RASA2: variants seen among roughly 807,000 people sequenced by gnomAD.
The protein encoded by RASA2 is ras GTPase-activating protein 2.
Under a neutral mutation model 118.2 loss-of-function variants are expected in RASA2, and 155 were observed. The ratio of observed to expected loss-of-function variants is 1.31; its 90% CI spans 1.15 to 1.50. The LOEUF is 1.50. Among genes scored for constraint, RASA2 ranks in the 40% most tolerant of loss-of-function variants. The pLI is 0.00. For missense variants in RASA2, 1,016 were observed against 1,009.6 expected (o/e 1.01, Z -0.09); for synonymous variants, 353 against 349.1 (o/e 1.01, Z -0.12).
chr3:141,582,198 A>T (rs531370839), intron 17 of RASA2, among the ~76,000 whole-genome samples: 25 of 152,300 alleles, frequency 1.6e-4, no homozygotes, highest in African/African-American at 5.5e-4. Flanking sequence ...GCCTTTTTTT[A>T]TACTTAGGAT....
intron 9 of RASA2, among the ~76,000 whole-genome samples, chr3:141,570,379 C>T (rs138922092): frequency 1.9e-4 from 29 of 152,064 alleles, no homozygotes; most frequent in African/African-American, 5.3e-4. Flanking sequence ...GCCACCATGC[C>T]GGACTGATTT....
At chr3:141,558,291 CAT>C (rs2082678597) in intron 7 of RASA2, among the ~76,000 whole-genome samples, 1 of 152,090 alleles carries the variant, frequency 6.6e-6, no homozygotes, top group Non-Finnish European at 1.5e-5. Context: ...CAAAATAAAA[CAT>C]AAAATTTTGA....
intron 5 of RASA2, among the ~76,000 whole-genome samples, chr3:141,545,499 C>CTG (rs2082471745): frequency 1.5e-5 from 2 of 137,906 alleles, no homozygotes; most frequent in Admixed American, 1.5e-4. Flanking sequence ...GAGTCTCACT[C>CTG]TGTCGACCAG....
chr3:141,490,523 G>A (rs1347048314), intron 1 of RASA2, among the ~76,000 whole-genome samples: 1 of 152,056 alleles, frequency 6.6e-6, no homozygotes, highest in African/African-American at 2.4e-5. Flanking sequence ...GCCACCATAT[G>A]TGTGGGCTTA....
Position 141,516,379 on chromosome 3 carries a change from T to C in RASA2, c.303T>C (p.Tyr101=), listed in dbSNP as rs766314151. 6.4e-7 allele frequency: 1 copy of C among 1,570,160 alleles called. No homozygotes were observed. The highest frequency in any genetic ancestry group is 8.6e-7 in the Non-Finnish European group (1 of 1,158,674). The stretch of plus-strand genomic sequence containing the variant: ...TTGAGATTCCAAGAACTTTCCAGTA[T>C]TTGTCTTTCTATGTTTATGATAAGA... ...FYFEIPRTFQ[Y]LSFYVYDKNV... is the part of the protein sequence containing the mutation. The change falls in exon 3 of 24, where the codon TAT becomes TAC. Residue 101 remains tyrosine, a synonymous_variant. Coordinates refer to ENST00000286364, the MANE Select transcript of RASA2 (RefSeq NM_006506.5).
rs772405986 is a variant in RASA2 at position 141,609,537 on chromosome 3, C to A, written c.2329+14C>A. The A allele has an allele frequency of 6.6e-7, 1 of 1,509,516 alleles. No individual in the cohort carries two copies. Among genetic ancestry groups the A allele is most frequent in the African/African-American group, 1.4e-5 (1 of 72,490 alleles). The allele number at this position is 1,509,516 out of a possible 1,614,324, so 93.5% of individuals were successfully genotyped here. On this transcript the variant is annotated intron_variant, in intron 22 of 23. Coordinates refer to ENST00000286364, the MANE Select transcript of RASA2 (RefSeq NM_006506.5). ...AGAAGATGGAAGGTAAATACACAAT[C>A]TATTTTTATATAACCATAATCTTTC...
chr3:141,507,618 TGGCCCTAGAGCCA>T (rs1054343860), intron 1 of RASA2, among the ~76,000 whole-genome samples: 35 of 152,366 alleles, frequency 2.3e-4, no homozygotes, highest in African/African-American at 7.9e-4. Flanking sequence ...TTGTTGTTGC[TGGCCCTAGAGCCA>T]AGCCCTGCCT....
chr3:141,590,877 A>T (rs956404213), intron 19 of RASA2, among the ~76,000 whole-genome samples: 1 of 152,206 alleles, frequency 6.6e-6, no homozygotes, highest in Non-Finnish European at 1.5e-5. Flanking sequence ...TTTTTCTTCA[A>T]TAAGTTTTTA....
chr3:141,522,705 C>T lies in RASA2; in HGVS notation c.355+6274C>T, dbSNP rs563730534. Among the ~76,000 whole-genome samples the T allele has an allele frequency of 7.2e-5, 11 of 152,198 alleles. No individual in the cohort carries two copies. In the South Asian group the frequency reaches 1.9e-3, roughly 26 times the overall value. On this transcript the variant is annotated intron_variant, in intron 3 of 23. Coordinates refer to ENST00000286364, the MANE Select transcript of RASA2 (RefSeq NM_006506.5). ...TCTTTATACCTCTGTGCTTGAGATG[C>T]GGGGCAACTGCTTTTGATACTGTGT...
At chr3:141,571,365 T>C (rs1278493369) in intron 10 of RASA2, 41 bp from the exon 11 acceptor site, 3 of 1,590,480 alleles carry the variant, frequency 1.9e-6, no homozygotes, top group Admixed American at 1.7e-5. Context: ...TAATCATGTT[T>C]CCTTGATGTT....
chr3:141,558,836 A>G, intron 7 of RASA2, 50 bp from the exon 8 acceptor site: 1 of 1,361,264 alleles, frequency 7.3e-7, no homozygotes. Flanking sequence ...AAGCTGTAGG[A>G]AAAATGTATT....
chr3:141,580,482 A>G (rs1194791571), intron 16 of RASA2, 31 bp downstream of exon 16: 2 of 1,516,966 alleles, frequency 1.3e-6, no homozygotes, highest in Non-Finnish European at 1.8e-6. Flanking sequence ...TTTTGTTTTT[A>G]CACTTCTAAA....
Position 141,607,741 on chromosome 3 carries a change from G to T in RASA2, c.1997G>T (p.Ser666Ile). ...CTTGCTGTGGAAAAACTGGAAGAGA[G>T]CTCTTTCAACAAGAAAAATGTAAGT... ...NILAVEKLEESSFNKKNMFQV... is the reference protein window; with the variant it reads ...NILAVEKLEEISFNKKNMFQV... Residue 666 changes from serine to isoleucine, a missense_variant, in exon 20 of 24, where the codon AGC (serine) becomes ATC (isoleucine). Transcript: ENST00000286364. 6.3e-7 allele frequency: 1 copy of T among 1,596,382 alleles called. No homozygotes were observed. Among genetic ancestry groups the T allele is most frequent in the Non-Finnish European group, 8.5e-7 (1 of 1,172,122 alleles).
At chr3:141,561,682 A>G (rs1466197234) in intron 9 of RASA2, among the ~76,000 whole-genome samples, 4 of 152,212 alleles carry the variant, frequency 2.6e-5, no homozygotes, top group Admixed American at 2.6e-4. Flanking sequence ...AGATTTATTT[A>G]CCCTCAGGAT....
At chr3:141,575,161 CTG>C (rs1008932044) in intron 14 of RASA2, among the ~76,000 whole-genome samples, 8 of 152,112 alleles carry the variant, frequency 5.3e-5, no homozygotes, top group African/African-American at 1.9e-4. Flanking sequence ...CTGTGCAAAA[CTG>C]TAAGTTTATT....
intron 3 of RASA2, chr3:141,525,998 A>C (rs2082179413): frequency 6.6e-6 from 1 of 152,170 alleles, no homozygotes; most frequent in Admixed American, 6.5e-5. Context: ...AATAAGTAAC[A>C]GAATTGACAC....
chr3:141,515,727 C>G (rs1200006964), intron 2 of RASA2, among the ~76,000 whole-genome samples: 2 of 151,346 alleles, frequency 1.3e-5, no homozygotes, highest in Non-Finnish European at 2.9e-5. Context: ...TGGTGAAACC[C>G]CATCTCTACT....
chr3:141,600,026 A>C (rs1211585433), intron 19 of RASA2, among the ~76,000 whole-genome samples: 1 of 152,202 alleles, frequency 6.6e-6, no homozygotes, highest in Non-Finnish European at 1.5e-5. Context: ...GAAGTTACTT[A>C]CGTTTATATG....
intron 9 of RASA2, among the ~76,000 whole-genome samples, chr3:141,560,708 C>G (rs1231822342): frequency 6.6e-6 from 1 of 152,024 alleles, no homozygotes; most frequent in Non-Finnish European, 1.5e-5. Flanking sequence ...GCGTGTGTAT[C>G]CTTTCAGTAT....
Sources: allele counts gnomAD v4.1 joint callset (sites outside exome capture counted in the v4.1 genomes callset), GRCh38; gene constraint gnomAD v4.1.1; transcripts MANE v1.5; gene names NCBI Gene and HGNC (gene_info 2026-07-23, HGNC 2026-07-21).